The following GLT1D1 variants were observed in gnomAD, a reference collection of about 807,000 sequenced individuals.
GLT1D1 encodes glycosyltransferase 1 domain containing 1, also known as glycosyltransferase 1 domain-containing protein 1.
Under a neutral mutation model 28.7 loss-of-function variants are expected in GLT1D1, and 21 were observed. The observed-to-expected ratio is 0.73, with a 90% CI of 0.52 to 1.05. The LOEUF is 1.05. Ranked by LOEUF, GLT1D1 falls within the 50% of genes least tolerant of loss-of-function variation. The probability of loss-of-function intolerance (pLI) is 0.00; values close to 1 mark genes in which losing one functional copy is unlikely to be tolerated. For synonymous variants in GLT1D1, 147 were observed against 124.8 expected (o/e 1.18, Z -1.19); for missense variants, 343 against 330.6 (o/e 1.04, Z -0.29).
At chr12:128,882,965 C>A (rs1038646459) in intron 2 of GLT1D1, among the ~76,000 whole-genome samples, 1 of 150,940 alleles carries the variant, frequency 6.6e-6, no homozygotes, top group African/African-American at 2.4e-5. Context: ...CTCACTCTGT[C>A]GCCAGGCTGT....
intron 6 of GLT1D1, among the ~76,000 whole-genome samples, chr12:128,950,434 A>G (rs531558137): frequency 6.6e-6 from 1 of 152,150 alleles, no homozygotes; most frequent in Non-Finnish European, 1.5e-5. Flanking sequence ...GTGTAGCCCA[A>G]CTCCATCGCC....
At chr12:128,957,433 G>T in intron 6 of GLT1D1, 112 bp from the exon 11 acceptor site, 1 of 650,922 alleles carries the variant, frequency 1.5e-6, no homozygotes, top group Non-Finnish European at 2.8e-6. Flanking sequence ...TTTTTGTGAG[G>T]TGCCAGAGGT....
At chr12:128,912,505 A>G in intron 4 of GLT1D1, 45 bp downstream of exon 5, 2 of 1,024,366 alleles carry the variant, frequency 2.0e-6, no homozygotes, top group Non-Finnish European at 1.4e-6. Context: ...AGGGATAGAG[A>G]ATGAATATAT....
chr12:128,918,498 A>G (rs1795815639), intron 4 of GLT1D1, among the ~76,000 whole-genome samples: 1 of 152,220 alleles, frequency 6.6e-6, no homozygotes, highest in Non-Finnish European at 1.5e-5. Flanking sequence ...AATGAAACAA[A>G]AAAGACTTGA....
chr12:128,898,475 C>T (rs575568258), intron 3 of GLT1D1, among the ~76,000 whole-genome samples: 35 of 152,260 alleles, frequency 2.3e-4, no homozygotes, highest in African/African-American at 8.4e-4. Flanking sequence ...CTGTGCCTGG[C>T]CTGAATTCTT....
intron 4 of GLT1D1, 67 bp downstream of exon 8, chr12:128,927,221 C>T (rs1873318899): frequency 8.3e-7 from 1 of 1,207,846 alleles, no homozygotes. Flanking sequence ...TATGTATTTT[C>T]TACAATCAGT....
intron 4 of GLT1D1, among the ~76,000 whole-genome samples, chr12:128,925,098 TG>T (rs1336261707): frequency 6.6e-6 from 1 of 152,184 alleles, no homozygotes; most frequent in African/African-American, 2.4e-5. Flanking sequence ...ATTATATGTA[TG>T]TGAGGTGTAC....
intron 3 of GLT1D1, among the ~76,000 whole-genome samples, chr12:128,898,738 C>T (rs899398642): frequency 6.6e-5 from 10 of 152,138 alleles, no homozygotes; most frequent in African/African-American, 2.4e-4. Flanking sequence ...AAATAGATTA[C>T]CTTGTTTTCT....
At chr12:128,977,579 A>G (rs1413519473) in intron 7 of GLT1D1, among the ~76,000 whole-genome samples, 2 of 152,020 alleles carry the variant, frequency 1.3e-5, no homozygotes, top group East Asian at 1.9e-4. Flanking sequence ...ATAGGCCTGT[A>G]TTTACCATGT....
chr12:128,854,394 CGTGTGTGTGTGTGTGTGTGTGTGT>C (rs56655033), intron 1 of GLT1D1, among the ~76,000 whole-genome samples: 1 of 143,952 alleles, frequency 6.9e-6, no homozygotes, highest in East Asian at 2.1e-4. Context: ...TAACAGAAGC[CGTGTGTGTGTGTGTGTGTGTGTGT>C]GTGTGTGTGT....
rs918031620 is a variant in GLT1D1, at chr12:128,956,521, G to A, written c.541-1024G>A. 3.9e-5 allele frequency among the ~76,000 whole-genome samples: 6 copies of A among 152,224 alleles called. No individual in the cohort carries two copies. In the East Asian group the frequency reaches 7.7e-4, roughly 20 times the overall value. On this transcript the variant is annotated intron_variant, in intron 6 of 7. Transcript: ENST00000281703. ...AGAGACCATCTGTATCCTGTTTCCC[G>A]ATGACCTTTTACTCAATGGATTTGA...
At chr12:128,969,549 C>G (rs764068986) in intron 7 of GLT1D1, among the ~76,000 whole-genome samples, 2 of 152,186 alleles carry the variant, frequency 1.3e-5, no homozygotes, top group Non-Finnish European at 2.9e-5. Flanking sequence ...GCGCGGCAAG[C>G]AGGGCCAGGA....
chr12:128,944,375 A>G, intron 4 of GLT1D1: 2 of 991,182 alleles, frequency 2.0e-6, no homozygotes, highest in Non-Finnish European at 3.2e-6. Context: ...AATGTTTCCA[A>G]CACCGCTTTT....
chr12:128,948,254 A>G (rs1876334102), intron 6 of GLT1D1, among the ~76,000 whole-genome samples: 1 of 152,128 alleles, frequency 6.6e-6, no homozygotes, highest in Non-Finnish European at 1.5e-5. Flanking sequence ...GGTGCTTGAT[A>G]TTAGGTCCTA....
intron 1 of GLT1D1, among the ~76,000 whole-genome samples, chr12:128,872,469 C>T (rs1956715590): frequency 6.6e-6 from 1 of 152,102 alleles, no homozygotes; most frequent in Non-Finnish European, 1.5e-5. Flanking sequence ...AGTGTCATGT[C>T]AGCGGCGTGG....
chr12:128,917,348 T>C (rs1218684191), intron 4 of GLT1D1, among the ~76,000 whole-genome samples: 1 of 152,198 alleles, frequency 6.6e-6, no homozygotes, highest in Non-Finnish European at 1.5e-5. Context: ...AAAATCCTGT[T>C]ACATTGAACC....
Position 128,874,387 on chromosome 12 carries a change from G to A in GLT1D1, c.69-1527G>A, listed in dbSNP as rs538175969. ...AGTAGAGACAGGATTTCACCCTGTT[G>A]GCCAGGCTGGTCTTGAACTCCTGAC... On this transcript the variant is annotated intron_variant, in intron 1 of 7. Coordinates refer to ENST00000281703, the MANE Select transcript of GLT1D1 (RefSeq NM_144669.3). Among the ~76,000 whole-genome samples, 302 of 151,182 alleles carry A rather than the reference G, an allele frequency of 2.0e-3. 2 individuals carry two copies. The highest frequency in any genetic ancestry group is 7.0e-3 in the African/African-American group (288 of 41,154).
In GLT1D1 at chr12:128,965,732, A is replaced by AAAAAAG. The variant is rs75853652; in HGVS notation, c.639+8092_639+8093insAAGAAA. ...GCTTAAAAAAAAAAAAAAAAAAAAAAAAAGAAAAAGTAAAAAGCCAGATGT... is the reference window on the plus strand; with the variant it reads ...GCTTAAAAAAAAAAAAAAAAAAAAAAAAAAAGAAAGAAAAAGTAAAAAGCCAGATGT... On this transcript the variant is annotated intron_variant, in intron 7 of 7. Coordinates refer to ENST00000281703, the MANE Select transcript of GLT1D1 (RefSeq NM_144669.3). Among the ~76,000 whole-genome samples the AAAAAAG allele has an allele frequency of 2.4e-3, 255 of 104,558 alleles. 2 individuals carry two copies. The highest frequency in any genetic ancestry group is 0.012 in the East Asian group (44 of 3,650). The allele number at this position is 104,558 out of a possible 152,430, so 68.6% of individuals were successfully genotyped here. A position where few individuals can be genotyped will look rare whatever the true frequency, so the allele number is the denominator to read the frequency against.
intron 7 of GLT1D1, among the ~76,000 whole-genome samples, chr12:128,960,188 TA>T (rs1015067593): frequency 6.6e-6 from 1 of 151,954 alleles, no homozygotes; most frequent in African/African-American, 2.4e-5. Context: ...CAAAGGATGT[TA>T]AAAAAAATAG....
Sources: gnomAD v4.1 joint callset for allele counts (sites outside exome capture counted in the v4.1 genomes callset) on GRCh38, gnomAD v4.1.1 for gene constraint, MANE v1.5 for transcripts, NCBI Gene and HGNC (gene_info 2026-07-23, HGNC 2026-07-21) for gene names.